The following GAREM2 variants were observed in gnomAD, a reference collection of about 807,000 sequenced individuals.
GAREM2 encodes the protein GRB2-associated and regulator of MAPK protein 2.
Under a neutral mutation model 55.6 loss-of-function variants are expected in GAREM2, and 30 were observed. That is an observed-to-expected ratio of 0.54 (90% CI 0.40 to 0.73). The LOEUF is 0.73. GAREM2 is among the 30% of genes least tolerant of loss of function. GAREM2 has a pLI of 0.00. For missense variants in GAREM2, 1,075 were observed against 1,257.7 expected (o/e 0.85, Z 2.20); for synonymous variants, 550 against 569.1 (o/e 0.97, Z 0.48).
chr2:26,191,632 C>T (rs775551171), downstream of GAREM2: 3 of 1,613,782 alleles, frequency 1.9e-6, no homozygotes, highest in South Asian at 3.3e-5. Context: ...TGATGAGCTG[C>T]CAACAGAAAG....
the GAREM2 span, among the ~76,000 whole-genome samples, chr2:26,200,846 C>T: frequency 1.3e-5 from 2 of 151,768 alleles, no homozygotes; most frequent in South Asian, 2.1e-4. Flanking sequence ...GATTCTCCTG[C>T]TTCAGCCTCC....
intron 4 of GAREM2, 32 bp downstream of exon 4, chr2:26,185,308 G>A (rs1253767924): frequency 6.8e-7 from 1 of 1,481,206 alleles, no homozygotes; most frequent in Non-Finnish European, 8.9e-7. Context: ...CGAGTCCCGG[G>A]TCCAGCCAGG....
intron 1 of GAREM2, among the ~76,000 whole-genome samples, chr2:26,175,834 C>T (rs1316804426): frequency 1.3e-5 from 2 of 152,192 alleles, no homozygotes; most frequent in Admixed American, 1.3e-4. Flanking sequence ...TCTTGCAGGG[C>T]CTAGGCCCTG....
downstream of GAREM2, chr2:26,192,482 A>G (rs191166517): frequency 9.9e-5 from 97 of 982,470 alleles, no homozygotes; most frequent in African/African-American, 1.4e-3. Flanking sequence ...GAGTGTTACT[A>G]TTTGTTCTCA....
downstream of GAREM2, among the ~76,000 whole-genome samples, chr2:26,190,159 G>A (rs1033604189): frequency 1.3e-5 from 2 of 152,214 alleles, no homozygotes; most frequent in Non-Finnish European, 2.9e-5. Context: ...CTCCTTGCCT[G>A]CCAGTCCCAG....
At position 26,184,895 on chromosome 2, in the gene GAREM2, C is replaced by T. The variant is rs925053279; in HGVS notation, c.1047C>T (p.Arg349=). The T allele has an allele frequency of 4.1e-6, 6 of 1,455,520 alleles. No individual in the cohort carries two copies. Among genetic ancestry groups the T allele is most frequent in the Non-Finnish European group, 4.5e-6 (5 of 1,113,320 alleles). 90.2% of individuals were successfully genotyped at this position (1,455,520 alleles called of 1,614,324 possible). A position where few individuals can be genotyped will look rare whatever the true frequency, so the allele number is the denominator to read the frequency against. ...RLVRDSASYC[R]ERFDPDEYST... is the part of the protein sequence containing the mutation. The stretch of plus-strand genomic sequence containing the variant: ...TGCGCGACAGCGCCTCCTACTGCCG[C>T]GAGCGCTTCGACCCCGACGAGTACT... The change falls in exon 4 of 6, where the codon CGC becomes CGT. Residue 349 remains arginine, a synonymous_variant. Coordinates refer to ENST00000401533, the MANE Select transcript of GAREM2 (RefSeq NM_001168241.2).
the GAREM2 span, among the ~76,000 whole-genome samples, chr2:26,202,888 C>T: frequency 1.3e-5 from 2 of 152,240 alleles, no homozygotes; most frequent in African/African-American, 4.8e-5. Context: ...TTAAACTATT[C>T]CCAAGAGAGG....
Position 26,179,450 on chromosome 2 carries a change from G to C in GAREM2, c.253+2966G>C, listed in dbSNP as rs1197460107. ...CTCCAAAGCCTGAGCTTTTACCCAC[G>C]TTCTTTACTGAGTGTGTGCTGTGGG... On this transcript the variant is annotated intron_variant, in intron 2 of 5. Coordinates refer to ENST00000401533, the MANE Select transcript of GAREM2 (RefSeq NM_001168241.2). This position sits in a 1 kb window ranked among gnomAD's most constrained non-coding sequence, Gnocchi z 4.7. Among the ~76,000 whole-genome samples, 1 of 152,176 alleles carries C rather than the reference G, an allele frequency of 6.6e-6. No homozygotes were observed. The highest frequency in any genetic ancestry group is 1.9e-4 in the East Asian group (1 of 5,192).
chr2:26,183,202 C>A, intron 3 of GAREM2, 105 bp downstream of exon 3: 1 of 1,323,590 alleles, frequency 7.6e-7, no homozygotes, highest in Non-Finnish European at 1.0e-6. Flanking sequence ...AGAAGGAGAG[C>A]GGCTCCTGGG....
intron 2 of GAREM2, chr2:26,181,323 C>G (rs1405398854): frequency 6.1e-6 from 1 of 164,438 alleles, no homozygotes; most frequent in African/African-American, 2.4e-5. Flanking sequence ...GCTTTTGTGT[C>G]TCTGTGTCTG....
At chr2:26,191,724 G>T (rs1482641357), downstream of GAREM2, 4 of 1,238,722 alleles carry the variant, frequency 3.2e-6, no homozygotes, top group East Asian at 4.6e-5. Context: ...GGGTGCATGG[G>T]GAGCTCTGTG....
At chr2:26,195,567 T>C in the GAREM2 span, among the ~76,000 whole-genome samples, 1 of 139,798 alleles carries the variant, frequency 7.2e-6, no homozygotes, top group East Asian at 2.1e-4. Context: ...ATGATACTGA[T>C]GGTTTAGATA....
chr2:26,182,733 T>TG (rs1043497053), intron 2 of GAREM2, among the ~76,000 whole-genome samples: 4 of 152,048 alleles, frequency 2.6e-5, no homozygotes, highest in African/African-American at 9.7e-5. Flanking sequence ...AGGCTCTCTA[T>TG]GGGGGGAGGG....
At position 26,188,225 on chromosome 2, in the gene GAREM2, C is replaced by A; in HGVS notation, c.2593C>A (p.Gln865Lys). The part of the protein sequence containing the change: ...LTKLQVKKIM[Q>K]FIKGWRPKI ...CAAGCTGCAGGTCAAGAAGATCATG[C>A]AGTTCATCAAAGGCTGGAGGCCCAA... Residue 865 changes from glutamine (Q) to lysine (K), a missense_variant, in exon 6 of 6, where the codon CAG (glutamine) becomes AAG (lysine). Physicochemically the swap from Gln to Lys is moderately conservative, Grantham distance 53 (BLOSUM62 1). This residue lies in a region of GAREM2 where 142 missense variants were observed against 172.3 expected (regional missense o/e 0.82). Transcript: ENST00000401533. The A allele has an allele frequency of 1.3e-6, 2 of 1,504,942 alleles. No homozygotes were observed. The highest frequency in any genetic ancestry group is 2.1e-5 in the Admixed American group (1 of 47,208). The allele number at this position is 1,504,942 out of a possible 1,614,324, so 93.2% of individuals were successfully genotyped here. A position where few individuals can be genotyped will look rare whatever the true frequency, so the allele number is the denominator to read the frequency against.
chr2:26,197,414 C>G, the GAREM2 span, among the ~76,000 whole-genome samples: 1 of 152,202 alleles, frequency 6.6e-6, no homozygotes, highest in Non-Finnish European at 1.5e-5. Flanking sequence ...TAAGGCCTAT[C>G]CTTCAATGCC....
the GAREM2 span, chr2:26,195,046 T>C: frequency 1.0e-5 from 15 of 1,495,488 alleles, no homozygotes; most frequent in East Asian, 1.1e-4. Flanking sequence ...AGGAGTCTTA[T>C]TAGAACTTTT....
At chr2:26,196,781 A>G in the GAREM2 span, among the ~76,000 whole-genome samples, 1 of 152,200 alleles carries the variant, frequency 6.6e-6, no homozygotes, top group Non-Finnish European at 1.5e-5. Flanking sequence ...ATGAACAGCA[A>G]CGGCATCGCC....
intron 5 of GAREM2, 118 bp downstream of exon 5, chr2:26,186,476 G>C (rs951855424): frequency 3.0e-5 from 29 of 973,630 alleles, no homozygotes; most frequent in Non-Finnish European, 4.3e-5. Flanking sequence ...AGATTCCCGA[G>C]GGTGCAGCTC....
In GAREM2 at chr2:26,186,532, G is replaced by GGGCCTGGGGCCCAGT. The variant is rs570859185; in HGVS notation, c.1598+181_1598+195dup. 4.0e-3 allele frequency among the ~76,000 whole-genome samples: 611 copies of GGGCCTGGGGCCCAGT among 152,256 alleles called. 4 individuals carry two copies. Among genetic ancestry groups the GGGCCTGGGGCCCAGT allele is most frequent in the Middle Eastern group, 0.017 (5 of 294 alleles). Reference sequence around the variant, plus strand: ...TTGGCACTGCTGTCTGGGTGTCTTGGGGCCTGGGGCCCAGTGGCCTGTTCT... The same window carrying GGGCCTGGGGCCCAGT: ...TTGGCACTGCTGTCTGGGTGTCTTGGGGCCTGGGGCCCAGTGGCCTGGGGCCCAGTGGCCTGTTCT... On this transcript the variant is annotated intron_variant, in intron 5 of 5. Coordinates refer to ENST00000401533, the MANE Select transcript of GAREM2 (RefSeq NM_001168241.2).
Sources: allele counts gnomAD v4.1 joint callset (sites outside exome capture counted in the v4.1 genomes callset), GRCh38; gene constraint gnomAD v4.1.1; regional missense constraint gnomAD v4.1.1; non-coding constraint Gnocchi (gnomAD v3.1); transcripts MANE v1.5; gene names NCBI Gene and HGNC (gene_info 2026-07-23, HGNC 2026-07-21).